NR5A2: variants seen among roughly 807,000 people sequenced by gnomAD.
NR5A2 encodes CYP7A promoter-binding factor.
A neutral mutation model predicts 62.7 loss-of-function variants in NR5A2; 26 were observed. The observed-to-expected ratio is 0.41, with a 90% CI of 0.30 to 0.58. The LOEUF is 0.58. NR5A2 is among the 20% of genes least tolerant of loss of function. The pLI is 0.22. For missense variants in NR5A2, 541 were observed against 669.1 expected, an observed-to-expected ratio of 0.81 and a Z score of 2.11; for synonymous variants, 246 against 241.7, an observed-to-expected ratio of 1.02 and a Z score of -0.16.
chr1:200,043,289 C>T (rs945960304), intron 2 of NR5A2, among the ~76,000 whole-genome samples: 1 of 152,178 alleles, frequency 6.6e-6, no homozygotes, highest in Admixed American at 6.5e-5. Flanking sequence ...GTTTCTCTGT[C>T]GGACAGAGTT....
rs1662454043 is a variant in NR5A2, at chr1:200,048,049, T to C, written c.464-123T>C. ...TTTGGGAAATCTTTGTGGGCTATTG[T>C]AACGAAAACAACCACACACATACCA... On this transcript the variant is annotated intron_variant, in intron 4 of 7. Transcript: ENST00000367362. This position sits in a 1 kb window ranked among gnomAD's most constrained non-coding sequence, Gnocchi z 4.8. 3.4e-6 allele frequency: 3 copies of C among 882,356 alleles called. No individual in the cohort carries two copies. 54.7% of individuals were successfully genotyped at this position (882,356 alleles called of 1,614,324 possible).
intron 7 of NR5A2, among the ~76,000 whole-genome samples, chr1:200,121,989 A>G (rs1193163763): frequency 6.6e-6 from 1 of 152,256 alleles, no homozygotes; most frequent in Non-Finnish European, 1.5e-5. Flanking sequence ...TTGAAGTAAT[A>G]GAACCAGAGT....
chr1:200,120,789 C>T lies in NR5A2; in HGVS notation c.1231-19C>T. ...TTGCTGATTCTGATAGTCCTTAAAA[C>T]TGTGATTCTGTATTGCAGGTGGACT... On this transcript the variant is annotated intron_variant, in intron 6 of 7. Transcript: ENST00000367362. 6.6e-7 allele frequency: 1 copy of T among 1,520,194 alleles called. No individual in the cohort carries two copies. Among genetic ancestry groups the T allele is most frequent in the Non-Finnish European group, 8.8e-7 (1 of 1,138,276 alleles). The allele number at this position is 1,520,194 out of a possible 1,614,324, so 94.2% of individuals were successfully genotyped here. A position where few individuals can be genotyped will look rare whatever the true frequency, so the allele number is the denominator to read the frequency against.
intron 5 of NR5A2, among the ~76,000 whole-genome samples, chr1:200,089,855 T>G (rs1664736549): frequency 6.6e-6 from 1 of 152,232 alleles, no homozygotes. Context: ...CTCACAACTT[T>G]CTATTGCATA....
At chr1:200,047,296 T>C (rs906296413) in intron 4 of NR5A2, among the ~76,000 whole-genome samples, 2 of 152,224 alleles carry the variant, frequency 1.3e-5, no homozygotes, top group Admixed American at 6.5e-5. Flanking sequence ...CAGTAACTGG[T>C]GGTCATCTGA....
intron 7 of NR5A2, among the ~76,000 whole-genome samples, chr1:200,160,117 C>T (rs1653577083): frequency 6.6e-6 from 1 of 152,234 alleles, no homozygotes; most frequent in Admixed American, 6.5e-5. Flanking sequence ...CTCTAGCCTG[C>T]CTTCTGCAGG....
At chr1:200,038,921 G>C (rs926622101) in intron 1 of NR5A2, 2 of 398,662 alleles carry the variant, frequency 5.0e-6, no homozygotes, top group African/African-American at 4.4e-5. Flanking sequence ...ACCTGAGTCC[G>C]GAACCCGCGT....
At chr1:200,173,190 G>A (rs774729447) in intron 7 of NR5A2, among the ~76,000 whole-genome samples, 18 of 152,076 alleles carry the variant, frequency 1.2e-4, no homozygotes, top group Admixed American at 2.6e-4. Flanking sequence ...GGAGTTAGGC[G>A]GAATGAAATG....
chr1:200,094,751 G>C (rs1417671075), intron 5 of NR5A2, among the ~76,000 whole-genome samples: 2 of 151,414 alleles, frequency 1.3e-5, no homozygotes, highest in African/African-American at 4.9e-5. Context: ...CCAGGATGGT[G>C]TCGATCTCCT....
intron 7 of NR5A2, among the ~76,000 whole-genome samples, chr1:200,122,568 T>C (rs1000242022): frequency 2.0e-5 from 3 of 152,312 alleles, no homozygotes; most frequent in African/African-American, 7.2e-5. Context: ...CTGCTAATAC[T>C]ATAAGGAGGG....
At chr1:200,071,121 A>G (rs950332502) in intron 5 of NR5A2, among the ~76,000 whole-genome samples, 1 of 152,212 alleles carries the variant, frequency 6.6e-6, no homozygotes, top group Admixed American at 6.5e-5. Flanking sequence ...AGAATTTGAG[A>G]TTAGGTCAAA....
At chr1:200,124,600 A>G (rs1340089057) in intron 7 of NR5A2, among the ~76,000 whole-genome samples, 1 of 152,222 alleles carries the variant, frequency 6.6e-6, no homozygotes, top group Non-Finnish European at 1.5e-5. Flanking sequence ...TTTCTAGCAC[A>G]ATGCTTGGTA....
chr1:200,090,015 G>A (rs993424706), intron 5 of NR5A2, among the ~76,000 whole-genome samples: 1 of 152,160 alleles, frequency 6.6e-6, no homozygotes, highest in African/African-American at 2.4e-5. Context: ...TTGAAATGGG[G>A]ACTATTTGAA....
intron 7 of NR5A2, among the ~76,000 whole-genome samples, chr1:200,159,169 G>A (rs950669332): frequency 2.6e-5 from 4 of 152,086 alleles, no homozygotes; most frequent in African/African-American, 7.2e-5. Flanking sequence ...AGGATTACGG[G>A]TGTGAGCCAC....
At chr1:200,081,708 C>T (rs1430984403) in intron 5 of NR5A2, among the ~76,000 whole-genome samples, 1 of 151,782 alleles carries the variant, frequency 6.6e-6, no homozygotes, top group Non-Finnish European at 1.5e-5. Context: ...AACAAATGTT[C>T]CCAGCATGAA....
chr1:200,033,923 C>G (rs1440218661), intron 1 of NR5A2, among the ~76,000 whole-genome samples: 1 of 152,174 alleles, frequency 6.6e-6, no homozygotes, highest in Non-Finnish European at 1.5e-5. Context: ...GCGGTCCCGG[C>G]ACTCTTTGAC....
At position 200,039,721 on chromosome 1, in the gene NR5A2, C is replaced by T. The variant is rs769544083; in HGVS notation, c.128C>T (p.Pro43Leu). The change falls in exon 2 of 8, where the codon CCC (proline) becomes CTC (leucine). Residue 43 changes from proline (P) to leucine (L), a missense_variant. Physicochemically the swap from Pro to Leu is moderately conservative, Grantham distance 98. Around this residue, in one of 3 missense-constraint regions of NR5A2, gnomAD observed 108 missense variants for 103.3 expected, o/e 1.05. Coordinates refer to ENST00000367362, the MANE Select transcript of NR5A2 (RefSeq NM_205860.3). The surrounding 1 kb of genome is among the most constrained non-coding windows in gnomAD (Gnocchi z 5.1). Reference sequence around the variant, plus strand: ...GCCCGCGGTCGCCTTGTCATGCTGCCCAAAGTGGAGACGGAAGCCCTGGGA... The same window carrying T: ...GCCCGCGGTCGCCTTGTCATGCTGCTCAAAGTGGAGACGGAAGCCCTGGGA... Reference protein sequence around the residue: ...IPARGRLVMLPKVETEALGLA... With the variant: ...IPARGRLVMLLKVETEALGLA... The T allele has an allele frequency of 1.2e-6, 2 of 1,612,286 alleles. No homozygotes were observed. Among genetic ancestry groups the T allele is most frequent in the Non-Finnish European group, 1.7e-6 (2 of 1,179,228 alleles).
At chr1:200,031,800 G>A (rs933770838) in intron 1 of NR5A2, among the ~76,000 whole-genome samples, 2 of 151,930 alleles carry the variant, frequency 1.3e-5, no homozygotes, top group African/African-American at 4.8e-5. Context: ...GGCTGGTCCC[G>A]AAATCCTGAC....
intron 1 of NR5A2, among the ~76,000 whole-genome samples, chr1:200,038,391 G>A (rs941445388): frequency 2.0e-5 from 3 of 152,186 alleles, no homozygotes; most frequent in Non-Finnish European, 2.9e-5. Flanking sequence ...GGGGAAAGAG[G>A]AGTCGCTGCC....
Sources: gnomAD v4.1 joint callset for allele counts (sites outside exome capture counted in the v4.1 genomes callset) on GRCh38, gnomAD v4.1.1 for gene constraint, gnomAD v4.1.1 regional missense constraint, Gnocchi (gnomAD v3.1) non-coding constraint, MANE v1.5 for transcripts, NCBI Gene and HGNC (gene_info 2026-07-23, HGNC 2026-07-21) for gene names.